Variants in KIF5C observed in about 807,000 individuals in gnomAD.
KIF5C encodes the protein kinesin family member 5C.
KIF5C carries 18 observed loss-of-function variants against 125.2 expected under a neutral mutation model. That is an observed-to-expected ratio of 0.14 (90% confidence interval 0.10 to 0.21). The LOEUF (loss-of-function observed/expected upper bound fraction) is 0.21, where lower values mean the gene tolerates loss of function less well. KIF5C is among the 10% of genes least tolerant of loss of function. KIF5C has a pLI of 1.00. For missense variants in KIF5C, 780 were observed against 1,183.8 expected (o/e 0.66, Z 5.01); for synonymous variants, 405 against 434.0 (o/e 0.93, Z 0.83).
chr2:149,001,754 G>T (rs1340215919), intron 21 of KIF5C, among the ~76,000 whole-genome samples: 1 of 152,208 alleles, frequency 6.6e-6, no homozygotes, highest in African/African-American at 2.4e-5. Context: ...AACACGTTCA[G>T]GCATTTCACA....
chr2:148,947,330 G>T (rs1381391105), intron 8 of KIF5C: 1 of 299,598 alleles, frequency 3.3e-6, no homozygotes, highest in Non-Finnish European at 6.1e-6. Context: ...CTGCACACAT[G>T]TGGGAGGGAT....
intron 15 of KIF5C, among the ~76,000 whole-genome samples, chr2:148,987,561 T>C (rs1272472432): frequency 6.6e-6 from 1 of 152,182 alleles, no homozygotes; most frequent in African/African-American, 2.4e-5. Flanking sequence ...CTAATGCTGA[T>C]TGGCGAGGGA....
intron 1 of KIF5C, among the ~76,000 whole-genome samples, chr2:148,904,314 T>C (rs1423182242): frequency 7.9e-5 from 12 of 152,248 alleles, no homozygotes; most frequent in Admixed American, 6.5e-4. Context: ...TCAGACGATC[T>C]GCAAATCCTG....
intron 1 of KIF5C, chr2:148,884,306 A>G (rs945777841): frequency 6.6e-6 from 1 of 151,998 alleles, no homozygotes; most frequent in African/African-American, 2.4e-5. Context: ...GGATGGATAT[A>G]CCCTTTCTTC....
chr2:148,970,895 T>A (rs151237578), intron 11 of KIF5C, among the ~76,000 whole-genome samples: 22 of 152,362 alleles, frequency 1.4e-4, no homozygotes, highest in African/African-American at 5.1e-4. Flanking sequence ...CTCTTCCAGA[T>A]GTTTTTGTAT....
At chr2:148,890,870 A>G (rs1681689696) in intron 1 of KIF5C, among the ~76,000 whole-genome samples, 1 of 152,210 alleles carries the variant, frequency 6.6e-6, no homozygotes, top group Non-Finnish European at 1.5e-5. Context: ...TTAGCATCCA[A>G]AAGGATAAAT....
intron 25 of KIF5C, among the ~76,000 whole-genome samples, chr2:149,020,896 T>C (rs73962813): frequency 0.047 from 7,197 of 152,282 alleles, 592 homozygotes; most frequent in African/African-American, 0.16. Flanking sequence ...AGAAAGGCCA[T>C]GTTCTTCCCA....
intron 10 of KIF5C, among the ~76,000 whole-genome samples, chr2:148,958,175 C>T (rs1306595029): frequency 6.6e-6 from 1 of 152,008 alleles, no homozygotes; most frequent in Non-Finnish European, 1.5e-5. Context: ...GTTGTCATGC[C>T]TTTGGGTGAA....
At chr2:148,922,107 CT>C in intron 1 of KIF5C, 29 bp from the exon 2 acceptor site, 3 of 1,497,706 alleles carry the variant, frequency 2.0e-6, no homozygotes, top group Admixed American at 1.9e-5. Context: ...TTTTTTCCAC[CT>C]TTTTCTTCCC....
intron 13 of KIF5C, among the ~76,000 whole-genome samples, chr2:148,980,100 T>C (rs1233584478): frequency 6.6e-6 from 1 of 152,232 alleles, no homozygotes; most frequent in African/African-American, 2.4e-5. Flanking sequence ...CATAAAGGAC[T>C]CTGTAACCAT....
chr2:148,991,332 G>A lies in KIF5C; in HGVS notation c.1905+134G>A, dbSNP rs1681521862. On this transcript the variant is annotated intron_variant, in intron 16 of 25. Coordinates refer to ENST00000435030, the MANE Select transcript of KIF5C (RefSeq NM_004522.3). The stretch of plus-strand genomic sequence containing the variant: ...TTGTGTAAGCTTGGCCTCCCCAGGT[G>A]ATGGCAGCCCAGGTCTATTCCTAGG... 4 of 1,408,528 alleles carry A rather than the reference G, an allele frequency of 2.8e-6. No homozygotes were observed. The South Asian group carries it at 6.1e-5, about 22-fold the overall frequency. 87.3% of individuals were successfully genotyped at this position (1,408,528 alleles called of 1,614,324 possible).
intron 21 of KIF5C, among the ~76,000 whole-genome samples, chr2:149,004,707 AATATGTGCCAGAAAATGTTCTAAGAAC>A (rs1337649871): frequency 6.6e-6 from 1 of 152,220 alleles, no homozygotes; most frequent in Non-Finnish European, 1.5e-5. Context: ...TTGGGCACTT[AATATGTGCCAGAAAATGTTCTAAGAAC>A]ATTATAAGGT....
In KIF5C at chr2:148,973,901, G is replaced by T. The variant is rs139997546; in HGVS notation, c.1293+390G>T. ...AGCAGTAGCCTCAGCTAGGGGCAAG[G>T]GTTGTGACTCCCAGAATTCAAGCAT... On this transcript the variant is annotated intron_variant, in intron 12 of 25. Coordinates refer to ENST00000435030, the MANE Select transcript of KIF5C (RefSeq NM_004522.3). Among the ~76,000 whole-genome samples, 16 of 152,290 alleles carry T rather than the reference G, an allele frequency of 1.1e-4. No homozygotes were observed. The East Asian group carries it at 3.1e-3, about 29-fold the overall frequency.
intron 1 of KIF5C, among the ~76,000 whole-genome samples, chr2:148,882,714 T>C (rs748823388): frequency 2.6e-5 from 4 of 152,268 alleles, no homozygotes; most frequent in Middle Eastern, 6.8e-3. Flanking sequence ...CAGCCCACAA[T>C]ACCTCCTCTG....
chr2:149,000,611 C>T lies in KIF5C; in HGVS notation c.2312+87C>T, dbSNP rs370238989. 84 of 1,580,598 alleles carry T rather than the reference C, an allele frequency of 5.3e-5. 1 individual carries two copies. Among genetic ancestry groups the T allele is most frequent in the South Asian group, 5.2e-4 (45 of 86,284 alleles). ...GGGCTAATTTAAAAACAGACAATGG[C>T]TATTTGTGTGCTTGTTGGTGGGTTT... On this transcript the variant is annotated intron_variant, in intron 20 of 25. Coordinates refer to ENST00000435030, the MANE Select transcript of KIF5C (RefSeq NM_004522.3).
At chr2:148,963,950 C>T (rs1682988642) in intron 11 of KIF5C, among the ~76,000 whole-genome samples, 1 of 152,144 alleles carries the variant, frequency 6.6e-6, no homozygotes, top group Non-Finnish European at 1.5e-5. Flanking sequence ...TTTTTGGCCT[C>T]TTTACTTGGA....
In KIF5C at chr2:148,994,548, T is replaced by A; in HGVS notation, c.2023+10T>A. 1 of 1,554,402 alleles carries A rather than the reference T, an allele frequency of 6.4e-7. No individual in the cohort carries two copies. Among genetic ancestry groups the A allele is most frequent in the Non-Finnish European group, 8.7e-7 (1 of 1,148,772 alleles). On this transcript the variant is annotated intron_variant, in intron 17 of 25. Transcript: ENST00000435030. The stretch of plus-strand genomic sequence containing the variant: ...AAGCTCCGAGCCCAGGGTAAATATT[T>A]GACTAACGTGCAGGTGTCAAACACC...
intron 8 of KIF5C, chr2:148,947,279 T>C (rs1682540407): frequency 4.5e-6 from 2 of 447,812 alleles, no homozygotes; most frequent in Non-Finnish European, 7.7e-6. Flanking sequence ...TATGATGATA[T>C]GAGGCAACAG....
intron 1 of KIF5C, among the ~76,000 whole-genome samples, chr2:148,913,369 C>T (rs1033179633): frequency 1.3e-5 from 2 of 152,022 alleles, no homozygotes; most frequent in Non-Finnish European, 2.9e-5. Flanking sequence ...TTGTCTGACC[C>T]CCAAAATCAT....
Sources: gnomAD v4.1 joint callset for allele counts (sites outside exome capture counted in the v4.1 genomes callset) on GRCh38, gnomAD v4.1.1 for gene constraint, MANE v1.5 for transcripts, NCBI Gene and HGNC (gene_info 2026-07-23, HGNC 2026-07-21) for gene names.